PARP12: variants seen among roughly 807,000 people sequenced by gnomAD.
The protein encoded by PARP12 is poly(ADP-ribose) polymerase family member 12.
PARP12 carries 59 observed loss-of-function variants against 72.4 expected under a neutral mutation model. That is an observed-to-expected ratio of 0.81 (90% CI 0.66 to 1.01). PARP12 has a LOEUF of 1.01. PARP12 is among the 50% of genes least tolerant of loss of function. PARP12 has a pLI of 0.00. For synonymous variants in PARP12, 403 were observed against 371.4 expected, an observed-to-expected ratio of 1.09 and a Z score of -0.98; for missense variants, 851 against 914.0, an observed-to-expected ratio of 0.93 and a Z score of 0.89.
At chr7:140,036,853 C>G (rs1479997511) in intron 7 of PARP12, among the ~76,000 whole-genome samples, 1 of 152,036 alleles carries the variant, frequency 6.6e-6, no homozygotes, top group African/African-American at 2.4e-5. Context: ...ACATCAGCCA[C>G]TTGGAGGAAC....
intron 7 of PARP12, among the ~76,000 whole-genome samples, chr7:140,035,880 A>AGGAGGG (rs147062509): frequency 0.15 from 12,994 of 87,364 alleles, 1,742 homozygotes; most frequent in African/African-American, 0.29. Context: ...GAAGAGGAGG[A>AGGAGGG]GGAAGAGGAA....
rs528721907 is a variant in PARP12, at chr7:140,030,466, C to T, written c.1422-1778G>A. On this transcript the variant is annotated intron_variant, in intron 8 of 11. Transcript: ENST00000263549. ...TACAAAAATTAGCCGGGCATGGTGGCGCACGCCAGTAGTCCAAGCTACTCA... is the reference window on the plus strand; with the variant it reads ...TACAAAAATTAGCCGGGCATGGTGGTGCACGCCAGTAGTCCAAGCTACTCA... 2.6e-5 allele frequency among the ~76,000 whole-genome samples: 4 copies of T among 152,284 alleles called. No homozygotes were observed. In the South Asian group the frequency reaches 6.2e-4, roughly 24 times the overall value.
rs189434336 is a variant in PARP12 at position 140,025,780 on chromosome 7, A to C, written c.1780+417T>G. On this transcript the variant is annotated intron_variant, in intron 11 of 11. Transcript: ENST00000263549. ...GTTTAAAAATAACAGACAAGAAAAC[A>C]CTCAGATAACTCACGTGATAGCTAG... Among the ~76,000 whole-genome samples the C allele has an allele frequency of 2.8e-4, 42 of 152,356 alleles. No homozygotes were observed. The East Asian group carries it at 6.9e-3, about 25-fold the overall frequency.
intron 6 of PARP12, among the ~76,000 whole-genome samples, chr7:140,038,761 T>C (rs62490138): frequency 0.061 from 9,338 of 152,266 alleles, 374 homozygotes; most frequent in Non-Finnish European, 0.09. Context: ...ACTGCTACCA[T>C]CCTAGTTCTC....
chr7:140,025,653 C>T, intron 11 of PARP12: 1 of 390,818 alleles, frequency 2.6e-6, no homozygotes, highest in Non-Finnish European at 5.1e-6. Flanking sequence ...CCAATGAACG[C>T]AGGTAAAATT....
chr7:140,027,737 T>A (rs530532774), intron 9 of PARP12: 4 of 205,976 alleles, frequency 1.9e-5, no homozygotes, highest in Non-Finnish European at 4.1e-5. Flanking sequence ...GGATTTACTA[T>A]GTTTGCAAAT....
At chr7:140,034,193 G>A in intron 8 of PARP12, 42 bp downstream of exon 8, 1 of 1,598,250 alleles carries the variant, frequency 6.3e-7, no homozygotes, top group Non-Finnish European at 8.5e-7. Context: ...GCACACCCCA[G>A]CTGATTACAT....
chr7:140,032,550 C>A (rs1331518918), intron 8 of PARP12, among the ~76,000 whole-genome samples: 1 of 151,942 alleles, frequency 6.6e-6, no homozygotes, highest in Non-Finnish European at 1.5e-5. Flanking sequence ...TAGCAAAAGA[C>A]TGAAAACAAC....
chr7:140,057,806 G>A, intron 2 of PARP12, 93 bp downstream of exon 2: 2 of 1,522,796 alleles, frequency 1.3e-6, no homozygotes, highest in Admixed American at 3.9e-5. Flanking sequence ...AGATCACCAA[G>A]GGCCCACCCA....
In PARP12 at chr7:140,026,280, G is replaced by C; in HGVS notation, c.1697C>G (p.Thr566Ser). Residue 566 changes from threonine to serine, a missense_variant, in exon 11 of 12, where the codon ACC becomes AGC. Around this residue, in one of 3 missense-constraint regions of PARP12, gnomAD observed 347 missense variants for 396.1 expected, o/e 0.88. Transcript: ENST00000263549. ...GATGGCGTCCACAAAAATGGCGCTG[G>C]TGCCGTGGAACAGCTGCCGCTCGTC... ...AVDERQLFHG[T>S]SAIFVDAICQ... 1 of 1,613,770 alleles carries C rather than the reference G, an allele frequency of 6.2e-7. No individual in the cohort carries two copies. Among genetic ancestry groups the C allele is most frequent in the East Asian group, 2.2e-5 (1 of 44,890 alleles).
chr7:140,059,361 TACACAC>T (rs36173318), intron 1 of PARP12, among the ~76,000 whole-genome samples: 42 of 148,448 alleles, frequency 2.8e-4, no homozygotes, highest in Admixed American at 1.3e-3. Context: ...CAGGCGTGTA[TACACAC>T]ACACACACAC....
chr7:140,049,688 C>G (rs1019321695), intron 4 of PARP12, among the ~76,000 whole-genome samples: 1 of 152,228 alleles, frequency 6.6e-6, no homozygotes, highest in African/African-American at 2.4e-5. Flanking sequence ...TATAATCAAA[C>G]AGCAGGCCTG....
intron 5 of PARP12, among the ~76,000 whole-genome samples, chr7:140,044,272 G>T (rs542157881): frequency 6.6e-6 from 1 of 152,154 alleles, no homozygotes; most frequent in South Asian, 2.1e-4. Flanking sequence ...CCATGAATGC[G>T]ATCTTATTTG....
intron 8 of PARP12, chr7:140,033,098 G>A (rs770939825): frequency 9.4e-5 from 71 of 756,086 alleles, no homozygotes; most frequent in East Asian, 1.3e-4. Context: ...GACTACAGGC[G>A]CACAGGCTGG....
chr7:140,028,999 T>C (rs1815840337), intron 8 of PARP12: 1 of 168,708 alleles, frequency 5.9e-6, no homozygotes, highest in African/African-American at 2.4e-5. Context: ...CATAAACCTT[T>C]ATCCACAATT....
chr7:140,027,122 G>A (rs1186391476), intron 10 of PARP12, among the ~76,000 whole-genome samples, 154 bp downstream of exon 10: 1 of 152,160 alleles, frequency 6.6e-6, no homozygotes, highest in Admixed American at 6.5e-5. Flanking sequence ...CTGCCCTGGG[G>A]GAGCGGACGA....
At chr7:140,058,131 A>C in intron 1 of PARP12, 97 bp from the exon 2 acceptor site, 1 of 1,385,532 alleles carries the variant, frequency 7.2e-7, no homozygotes. Context: ...ATATGGCTCT[A>C]TTTGGAAAGA....
At chr7:140,055,640 T>C (rs1407804395) in intron 3 of PARP12, among the ~76,000 whole-genome samples, 3 of 152,222 alleles carry the variant, frequency 2.0e-5, no homozygotes, top group African/African-American at 4.8e-5. Context: ...TGACTGCTCT[T>C]GCAGCTGACA....
Position 140,058,001 on chromosome 7 carries a change from G to C in PARP12, c.360C>G (p.Thr120=). The change falls in exon 2 of 12, where the codon ACC becomes ACG. Residue 120 remains threonine (T), a synonymous_variant. Coordinates refer to ENST00000263549, the MANE Select transcript of PARP12 (RefSeq NM_022750.4). ...KNCRNSHSLT[T]EHNLSVLRTH... ...TTCTCAGCACACTCAGGTTGTGTTC[G>C]GTTGTCAAGCTGTGACTATTCCTAC... 1.2e-6 allele frequency: 2 copies of C among 1,614,218 alleles called. No homozygotes were observed. Among genetic ancestry groups the C allele is most frequent in the Non-Finnish European group, 1.7e-6 (2 of 1,180,038 alleles).
Sources: allele counts gnomAD v4.1 joint callset (sites outside exome capture counted in the v4.1 genomes callset), GRCh38; gene constraint gnomAD v4.1.1; regional missense constraint gnomAD v4.1.1; transcripts MANE v1.5; gene names NCBI Gene and HGNC (gene_info 2026-07-23, HGNC 2026-07-21).